PAX5: variants seen among roughly 807,000 people sequenced by gnomAD.
PAX5 encodes the protein paired box 5.
A neutral mutation model predicts 43.7 loss-of-function variants in PAX5; 9 were observed. The ratio of observed to expected loss-of-function variants is 0.21; its 90% CI spans 0.12 to 0.36. PAX5 has a LOEUF of 0.36. Ranked by LOEUF, PAX5 falls within the 10% of genes least tolerant of loss-of-function variation. The pLI is 1.00. For missense variants in PAX5, 383 were observed against 532.7 expected (o/e 0.72, Z 2.77); for synonymous variants, 228 against 214.3 (o/e 1.06, Z -0.56).
At chr9:37,002,417 C>A (rs1837958088) in intron 5 of PAX5, among the ~76,000 whole-genome samples, 1 of 152,240 alleles carries the variant, frequency 6.6e-6, no homozygotes, top group Non-Finnish European at 1.5e-5. Context: ...CAAGGGGTGA[C>A]CATGGGGGAG....
intron 9 of PAX5, among the ~76,000 whole-genome samples, chr9:36,844,274 G>A (rs1822352890): frequency 6.6e-6 from 1 of 152,196 alleles, no homozygotes; most frequent in Admixed American, 6.5e-5. Flanking sequence ...GTCAGGGAGA[G>A]TAGAGTACCA....
intron 7 of PAX5, among the ~76,000 whole-genome samples, chr9:36,891,716 G>A (rs988354736): frequency 2.0e-5 from 3 of 152,158 alleles, no homozygotes; most frequent in African/African-American, 7.2e-5. Context: ...TAGTTTGGGT[G>A]GTGTTATTGA....
rs1173647873 is a variant in PAX5 at position 36,835,850 on chromosome 9, G to A, written c.*4710C>T. The A allele has an allele frequency of 4.3e-6, 1 of 233,328 alleles. No individual in the cohort carries two copies. Among genetic ancestry groups the A allele is most frequent in the Non-Finnish European group, 8.5e-6 (1 of 118,228 alleles). 14.5% of individuals were successfully genotyped at this position (233,328 alleles called of 1,614,324 possible). A position where few individuals can be genotyped will look rare whatever the true frequency, so the allele number is the denominator to read the frequency against. On this transcript the variant is annotated 3_prime_UTR_variant, in exon 10 of 10. Transcript: ENST00000358127. ...TCAGAGCCCTGTGGGATCCACCCAT[G>A]CCTGCCTGGGCCTGGCCTGGCCGTG...
intron 8 of PAX5, among the ~76,000 whole-genome samples, chr9:36,853,196 C>A (rs1823332840): frequency 6.6e-6 from 1 of 151,776 alleles, no homozygotes; most frequent in African/African-American, 2.4e-5. Context: ...AGCATGCATA[C>A]AATTAACTGA....
chr9:36,934,553 C>T (rs1831390171), intron 6 of PAX5, among the ~76,000 whole-genome samples: 1 of 152,136 alleles, frequency 6.6e-6, no homozygotes, highest in African/African-American at 2.4e-5. Flanking sequence ...ACAGTTATCT[C>T]AAAATAAAAA....
Position 37,020,775 on chromosome 9 carries a change from C to T in PAX5, c.73G>A (p.Gly25Arg). The T allele has an allele frequency of 6.2e-7, 1 of 1,614,136 alleles. No individual in the cohort carries two copies. Among genetic ancestry groups the T allele is most frequent in the Non-Finnish European group, 8.5e-7 (1 of 1,180,034 alleles). Residue 25 changes from glycine (G) to arginine (R), a missense_variant, in exon 2 of 10, where the codon GGG becomes AGG. Transcript: ENST00000358127. ...TGHGGVNQLG[G>R]VFVNGRPLPD... ...AGTGGCCGTCCATTCACAAAAACCC[C>T]CCCAAGCTGATTCACTCCTCCATGT...
chr9:36,959,086 C>T (rs962522481), intron 6 of PAX5, among the ~76,000 whole-genome samples: 1 of 152,236 alleles, frequency 6.6e-6, no homozygotes, highest in Non-Finnish European at 1.5e-5. Flanking sequence ...CCCTCTTTGT[C>T]CACCCTAGTG....
At chr9:37,012,856 C>T (rs1448996549) in intron 3 of PAX5, among the ~76,000 whole-genome samples, 3 of 152,182 alleles carry the variant, frequency 2.0e-5, no homozygotes, top group Non-Finnish European at 4.4e-5. Flanking sequence ...TGCACCCTTG[C>T]ATCTTTGCAT....
chr9:36,969,586 G>A (rs974301831), intron 5 of PAX5, among the ~76,000 whole-genome samples: 7 of 152,236 alleles, frequency 4.6e-5, no homozygotes, highest in East Asian at 1.9e-4. Flanking sequence ...AGGCAGCCTC[G>A]CTGGACACGC....
At chr9:36,979,225 T>C (rs1323259984) in intron 5 of PAX5, among the ~76,000 whole-genome samples, 3 of 152,208 alleles carry the variant, frequency 2.0e-5, no homozygotes, top group African/African-American at 7.2e-5. Flanking sequence ...CCTGTCCCAG[T>C]TGAAAAGAAC....
At chr9:37,032,902 G>A (rs1841125981) in intron 1 of PAX5, among the ~76,000 whole-genome samples, 1 of 152,244 alleles carries the variant, frequency 6.6e-6, no homozygotes, top group South Asian at 2.1e-4. Flanking sequence ...GCGCATACAG[G>A]CCCTAGAGCT....
intron 7 of PAX5, 26 bp downstream of exon 7, chr9:36,923,329 A>G: frequency 6.2e-7 from 1 of 1,600,844 alleles, no homozygotes; most frequent in Non-Finnish European, 8.5e-7. Context: ...TCCCTCACTC[A>G]TCCCCCATGC....
At chr9:36,966,868 G>C in intron 5 of PAX5, 144 bp from the exon 6 acceptor site, 3 of 703,538 alleles carry the variant, frequency 4.3e-6, no homozygotes, top group Non-Finnish European at 7.1e-6. Context: ...CTCAGGTAAG[G>C]CACTGCCTTT....
intron 9 of PAX5, among the ~76,000 whole-genome samples, chr9:36,845,109 T>G (rs1587731902): frequency 6.6e-6 from 1 of 152,248 alleles, no homozygotes; most frequent in Admixed American, 6.5e-5. Flanking sequence ...GTGGCAGCCC[T>G]GGGCCACTAT....
chr9:36,910,701 T>C (rs1007313788), intron 7 of PAX5, among the ~76,000 whole-genome samples: 8 of 152,292 alleles, frequency 5.3e-5, no homozygotes, highest in South Asian at 2.1e-4. Context: ...TGAGAACAGC[T>C]TTGGGTAAAT....
intron 1 of PAX5, among the ~76,000 whole-genome samples, chr9:37,025,654 G>C (rs1840269905): frequency 6.6e-6 from 1 of 152,210 alleles, no homozygotes; most frequent in Admixed American, 6.5e-5. Context: ...CGTGAGAGGA[G>C]CGCTCATCTC....
At chr9:36,920,604 G>A (rs1054144706) in intron 7 of PAX5, among the ~76,000 whole-genome samples, 6 of 152,238 alleles carry the variant, frequency 3.9e-5, no homozygotes, top group South Asian at 4.2e-4. Flanking sequence ...TCCAAAATGC[G>A]TGGGACCAGA....
chr9:36,879,387 G>A (rs909846020), intron 8 of PAX5, among the ~76,000 whole-genome samples: 1 of 152,226 alleles, frequency 6.6e-6, no homozygotes, highest in African/African-American at 2.4e-5. Context: ...GGTTTCCAGT[G>A]GGGGGCTGAG....
intron 7 of PAX5, among the ~76,000 whole-genome samples, chr9:36,900,833 G>T (rs1017594312): frequency 2.6e-5 from 4 of 151,760 alleles, no homozygotes; most frequent in African/African-American, 9.7e-5. Flanking sequence ...GAGTGTCCCT[G>T]GGGTACCCCA....
Sources: allele counts gnomAD v4.1 joint callset (sites outside exome capture counted in the v4.1 genomes callset), GRCh38; gene constraint gnomAD v4.1.1; transcripts MANE v1.5; gene names NCBI Gene and HGNC (gene_info 2026-07-23, HGNC 2026-07-21).